The following IFT80 variants were observed in gnomAD, a reference collection of about 807,000 sequenced individuals.
The protein encoded by IFT80 is intraflagellar transport protein 80 homolog.
Under a neutral mutation model 107.9 loss-of-function variants are expected in IFT80, and 79 were observed. The observed-to-expected ratio is 0.73, with a 90% confidence interval of 0.61 to 0.88. The LOEUF (loss-of-function observed/expected upper bound fraction) is 0.88, where lower values mean the gene tolerates loss of function less well. Among genes scored for constraint, IFT80 ranks in the 40% least tolerant of loss-of-function variants. The probability of loss-of-function intolerance (pLI) is 0.00; values close to 1 mark genes in which losing one functional copy is unlikely to be tolerated. For missense variants in IFT80, 797 were observed against 914.2 expected (o/e 0.87, Z 1.65); for synonymous variants, 299 against 300.9 (o/e 0.99, Z 0.07).
intron 18 of IFT80, 73 bp from the exon 19 acceptor site, chr3:160,268,609 G>C: frequency 7.1e-7 from 1 of 1,415,606 alleles, no homozygotes; most frequent in Non-Finnish European, 1.0e-6. Flanking sequence ...TTCTGGAGTT[G>C]GGGATAAGAC....
intron 8 of IFT80, among the ~76,000 whole-genome samples, chr3:160,324,297 A>G (rs1403325123): frequency 6.6e-6 from 1 of 152,142 alleles, no homozygotes; most frequent in Non-Finnish European, 1.5e-5. Context: ...GCATCATCCT[A>G]ATACCGAAGC....
Position 160,300,880 on chromosome 3 carries a change from TA to T in IFT80, c.1315+2del. 1 of 1,593,040 alleles carries T rather than the reference TA, an allele frequency of 6.3e-7. No homozygotes were observed. Among genetic ancestry groups the T allele is most frequent in the Non-Finnish European group, 8.5e-7 (1 of 1,169,790 alleles). ...ACAGGAAAAATTATAAAAATATACT[TA>T]CTTTTTTCATCAGCTTTGTCTCTTA... On this transcript the variant is annotated splice_donor_variant, in intron 12 of 19. Coordinates refer to ENST00000326448, the MANE Select transcript of IFT80 (RefSeq NM_020800.3). LOFTEE classifies it high-confidence loss of function.
chr3:160,301,076 C>A (rs1165451594), intron 11 of IFT80, 30 bp from the exon 12 acceptor site: 1 of 1,526,020 alleles, frequency 6.6e-7, no homozygotes, highest in Non-Finnish European at 9.0e-7. Context: ...AATAGATTCT[C>A]AAACAGGAGT....
chr3:160,272,614 G>C (rs1431398287), intron 18 of IFT80, among the ~76,000 whole-genome samples: 1 of 152,094 alleles, frequency 6.6e-6, no homozygotes, highest in Admixed American at 6.5e-5. Context: ...GTATTCAGCA[G>C]ATATCTGCTT....
intron 9 of IFT80, among the ~76,000 whole-genome samples, chr3:160,316,593 G>A (rs956153705): frequency 6.6e-6 from 1 of 152,080 alleles, no homozygotes; most frequent in African/African-American, 2.4e-5. Context: ...TTTTTTGTCT[G>A]CCCAGAATCA....
intron 8 of IFT80, among the ~76,000 whole-genome samples, chr3:160,335,670 C>T (rs142231398): frequency 6.6e-6 from 1 of 152,176 alleles, no homozygotes; most frequent in East Asian, 1.9e-4. Context: ...CAACTTTATT[C>T]AGATGTCACA....
At chr3:160,281,435 G>A (rs1714684532) in intron 14 of IFT80, among the ~76,000 whole-genome samples, 1 of 152,200 alleles carries the variant, frequency 6.6e-6, no homozygotes, top group Non-Finnish European at 1.5e-5. Flanking sequence ...ACAGCAGGTA[G>A]TCAGGCAGAC....
At chr3:160,272,524 A>C (rs548911358) in intron 18 of IFT80, among the ~76,000 whole-genome samples, 1 of 152,264 alleles carries the variant, frequency 6.6e-6, no homozygotes, top group African/African-American at 2.4e-5. Context: ...CATAATAAAC[A>C]ATTTTTTAAA....
At chr3:160,382,890 G>C (rs1576899761) in intron 2 of IFT80, among the ~76,000 whole-genome samples, 1 of 152,100 alleles carries the variant, frequency 6.6e-6, no homozygotes, top group Admixed American at 6.6e-5. Context: ...AAGATCTTAA[G>C]AGTCTGCACA....
intron 1 of IFT80, among the ~76,000 whole-genome samples, chr3:160,387,537 G>A (rs1713036639): frequency 6.6e-6 from 1 of 152,072 alleles, no homozygotes; most frequent in African/African-American, 2.4e-5. Flanking sequence ...AGTAAAAAAT[G>A]ACTGTAAAGT....
chr3:160,273,504 G>T (rs1187438407), intron 18 of IFT80, among the ~76,000 whole-genome samples: 3 of 152,136 alleles, frequency 2.0e-5, no homozygotes, highest in East Asian at 3.8e-4. Context: ...GAGGGAAATG[G>T]TTGATAATAG....
chr3:160,261,210 T>C (rs1022071567), intron 19 of IFT80, among the ~76,000 whole-genome samples: 9 of 152,068 alleles, frequency 5.9e-5, no homozygotes, highest in African/African-American at 1.9e-4. Flanking sequence ...ATAATTCTGA[T>C]CCTGTGACAC....
intron 9 of IFT80, among the ~76,000 whole-genome samples, chr3:160,311,906 G>T (rs1470706812): frequency 6.6e-6 from 1 of 152,110 alleles, no homozygotes; most frequent in Non-Finnish European, 1.5e-5. Flanking sequence ...TCAGCCTCCT[G>T]AGTAGCTGGG....
intron 19 of IFT80, among the ~76,000 whole-genome samples, chr3:160,265,537 G>T (rs909677528): frequency 6.6e-6 from 1 of 152,034 alleles, no homozygotes; most frequent in African/African-American, 2.4e-5. Flanking sequence ...TTATTTGCTA[G>T]ATTTAAAATT....
intron 12 of IFT80, among the ~76,000 whole-genome samples, chr3:160,299,890 C>A (rs1716281987): frequency 6.6e-6 from 1 of 152,112 alleles, no homozygotes; most frequent in South Asian, 2.1e-4. Flanking sequence ...AGGATAAAAA[C>A]CTACGATAAC....
chr3:160,390,417 CAA>C (rs1289410578), intron 1 of IFT80, among the ~76,000 whole-genome samples: 5 of 108,264 alleles, frequency 4.6e-5, no homozygotes, highest in Non-Finnish European at 5.9e-5. Flanking sequence ...AATTCCGTCT[CAA>C]AAAAAAAAAA....
intron 1 of IFT80, among the ~76,000 whole-genome samples, chr3:160,386,013 T>C (rs1156797277): frequency 1.3e-5 from 2 of 152,170 alleles, no homozygotes; most frequent in African/African-American, 2.4e-5. Context: ...TTATTCTACA[T>C]CAGAAAACCT....
intron 8 of IFT80, among the ~76,000 whole-genome samples, chr3:160,328,184 G>A (rs185441453): frequency 2.0e-5 from 3 of 151,814 alleles, no homozygotes; most frequent in East Asian, 1.9e-4. Context: ...AAGTCTGGCC[G>A]AGTGCAGTAG....
intron 6 of IFT80, among the ~76,000 whole-genome samples, chr3:160,358,037 G>T (rs760728993): frequency 1.3e-5 from 2 of 151,816 alleles, no homozygotes; most frequent in Admixed American, 6.6e-5. Flanking sequence ...TTGAGACAGG[G>T]TCTCACTGTC....
Sources: gnomAD v4.1 joint callset for allele counts (sites outside exome capture counted in the v4.1 genomes callset) on GRCh38, gnomAD v4.1.1 for gene constraint, MANE v1.5 for transcripts, NCBI Gene and HGNC (gene_info 2026-07-23, HGNC 2026-07-21) for gene names.